The following ROBO1 variants were observed in gnomAD, a reference collection of about 807,000 sequenced individuals.
ROBO1 encodes the protein roundabout guidance receptor 1.
ROBO1 carries 149 observed loss-of-function variants against 195.9 expected under a neutral mutation model. The observed-to-expected ratio is 0.76, with a 90% CI of 0.67 to 0.87. The LOEUF (loss-of-function observed/expected upper bound fraction) is 0.87, where lower values mean the gene tolerates loss of function less well. Among genes scored for constraint, ROBO1 ranks in the 40% least tolerant of loss-of-function variants. The pLI is 0.00. For missense variants in ROBO1, 1,933 were observed against 2,068.3 expected (o/e 0.93, Z 1.27); for synonymous variants, 816 against 733.2 (o/e 1.11, Z -1.82).
rs192365767 is a variant in ROBO1, at chr3:78,824,722, A to C, written c.500-77822T>G. 6.7e-3 allele frequency among the ~76,000 whole-genome samples: 1,026 copies of C among 152,316 alleles called. 11 individuals are homozygous for C. Among genetic ancestry groups the C allele is most frequent in the Middle Eastern group, 0.044 (13 of 294 alleles). On this transcript the variant is annotated intron_variant, in intron 4 of 30. Transcript: ENST00000464233. ...CCTATTCTTTATCCACTTAATAGGGATAATAATAACCCTCATATTTTTGTA... is the reference window on the plus strand; with the variant it reads ...CCTATTCTTTATCCACTTAATAGGGCTAATAATAACCCTCATATTTTTGTA...
chr3:78,892,104 A>T (rs2036936083), intron 4 of ROBO1, among the ~76,000 whole-genome samples: 1 of 152,246 alleles, frequency 6.6e-6, no homozygotes, highest in Non-Finnish European at 1.5e-5. Flanking sequence ...GCACGCCTGT[A>T]ATCCCAGCAC....
At chr3:78,739,709 C>T (rs1187224277) in intron 5 of ROBO1, among the ~76,000 whole-genome samples, 1 of 152,064 alleles carries the variant, frequency 6.6e-6, no homozygotes, top group Admixed American at 6.6e-5. Flanking sequence ...AATTTAAAAA[C>T]CTTTGTTATG....
At chr3:79,204,496 A>G (rs1559733460) in intron 2 of ROBO1, among the ~76,000 whole-genome samples, 2 of 152,070 alleles carry the variant, frequency 1.3e-5, no homozygotes, top group Non-Finnish European at 2.9e-5. Flanking sequence ...TACAAATAAC[A>G]TGATGAAGAA....
chr3:79,033,640 G>T (rs529458281), intron 3 of ROBO1, among the ~76,000 whole-genome samples: 1 of 152,234 alleles, frequency 6.6e-6, no homozygotes, highest in East Asian at 1.9e-4. Context: ...CAGGGCAGAA[G>T]ATACAGACTT....
chr3:79,347,568 T>C (rs913902962), intron 2 of ROBO1, among the ~76,000 whole-genome samples: 2 of 152,206 alleles, frequency 1.3e-5, no homozygotes, highest in African/African-American at 2.4e-5. Flanking sequence ...AGGATTGCGA[T>C]AAAGTGTGAC....
intron 2 of ROBO1, among the ~76,000 whole-genome samples, chr3:79,554,768 T>C (rs1354669864): frequency 6.6e-6 from 1 of 152,098 alleles, no homozygotes; most frequent in South Asian, 2.1e-4. Context: ...TCAGAAGAAG[T>C]ATGTGTTAAT....
intron 1 of ROBO1, among the ~76,000 whole-genome samples, chr3:79,631,533 T>C (rs1186672046): frequency 7.9e-5 from 12 of 151,916 alleles, no homozygotes; most frequent in Non-Finnish European, 1.2e-4. Flanking sequence ...TATAAAAATC[T>C]TAGAAGAAAC....
At chr3:79,721,478 T>C (rs938963317) in intron 1 of ROBO1, among the ~76,000 whole-genome samples, 1 of 152,166 alleles carries the variant, frequency 6.6e-6, no homozygotes, top group African/African-American at 2.4e-5. Context: ...AGGAGGAAAC[T>C]GTCAAACTTT....
intron 4 of ROBO1, among the ~76,000 whole-genome samples, chr3:78,811,957 G>A (rs977364999): frequency 5.3e-5 from 8 of 152,018 alleles, no homozygotes; most frequent in African/African-American, 1.2e-4. Flanking sequence ...TGTCAGTCAC[G>A]CCCAAGCTCA....
intron 2 of ROBO1, among the ~76,000 whole-genome samples, chr3:79,311,747 G>A (rs951631514): frequency 1.3e-5 from 2 of 152,018 alleles, no homozygotes; most frequent in East Asian, 3.9e-4. Flanking sequence ...AGTGTTTTAC[G>A]TACATTAACT....
chr3:79,399,829 A>T (rs1342429920), intron 2 of ROBO1, among the ~76,000 whole-genome samples: 1 of 152,174 alleles, frequency 6.6e-6, no homozygotes, highest in Non-Finnish European at 1.5e-5. Context: ...GCATATAAAC[A>T]TAACTATGAA....
chr3:79,088,906 T>A (rs1381374298), intron 3 of ROBO1, among the ~76,000 whole-genome samples: 2 of 152,060 alleles, frequency 1.3e-5, no homozygotes, highest in African/African-American at 4.8e-5. Flanking sequence ...GGAACAAAAT[T>A]GAGAAGTTAA....
chr3:78,991,156 C>A (rs544273893), intron 3 of ROBO1, among the ~76,000 whole-genome samples: 32 of 152,186 alleles, frequency 2.1e-4, no homozygotes, highest in African/African-American at 7.5e-4. Context: ...TCCTCTATTT[C>A]TGAAAACCCA....
chr3:79,427,394 A>G (rs983582948), intron 2 of ROBO1, among the ~76,000 whole-genome samples: 19 of 152,202 alleles, frequency 1.2e-4, no homozygotes, highest in African/African-American at 4.6e-4. Context: ...ATTATTTCTA[A>G]TGTCTATTTA....
intron 3 of ROBO1, among the ~76,000 whole-genome samples, chr3:78,997,882 G>C (rs191593033): frequency 6.6e-5 from 10 of 152,266 alleles, no homozygotes; most frequent in Non-Finnish European, 1.5e-5. Context: ...TTCAGCATTT[G>C]TGGGGAAAGA....
chr3:79,167,349 G>A (rs1011705102), intron 2 of ROBO1, among the ~76,000 whole-genome samples: 1 of 152,068 alleles, frequency 6.6e-6, no homozygotes, highest in Admixed American at 6.6e-5. Flanking sequence ...TCCTTAGCAA[G>A]AGGAACACAG....
At chr3:79,272,021 C>G (rs1286337091) in intron 2 of ROBO1, among the ~76,000 whole-genome samples, 3 of 152,000 alleles carry the variant, frequency 2.0e-5, no homozygotes, top group African/African-American at 7.2e-5. Flanking sequence ...GTACTCCTTT[C>G]TAACCACTAT....
chr3:78,639,186 G>A (rs970116457), intron 22 of ROBO1, among the ~76,000 whole-genome samples: 4 of 152,080 alleles, frequency 2.6e-5, no homozygotes. Context: ...GCTGGGCACA[G>A]TGGCTCACGC....
At chr3:79,096,075 G>A (rs2079560656) in intron 3 of ROBO1, among the ~76,000 whole-genome samples, 1 of 151,936 alleles carries the variant, frequency 6.6e-6, no homozygotes, top group Admixed American at 6.6e-5. Context: ...TGCATCTGTA[G>A]TATGAATCCT....
Sources: gnomAD v4.1 joint callset for allele counts (sites outside exome capture counted in the v4.1 genomes callset) on GRCh38, gnomAD v4.1.1 for gene constraint, MANE v1.5 for transcripts, NCBI Gene and HGNC (gene_info 2026-07-23, HGNC 2026-07-21) for gene names.